The following KANK1 variants were observed in gnomAD, a reference collection of about 807,000 sequenced individuals.
The protein encoded by KANK1 is KN motif and ankyrin repeat domains 1, also known as KN motif and ankyrin repeat domain-containing protein 1.
A neutral mutation model predicts 106.2 loss-of-function variants in KANK1; 109 were observed. That is an observed-to-expected ratio of 1.03 (90% CI 0.88 to 1.20). KANK1 has a LOEUF of 1.20. Ranked by LOEUF, KANK1 falls within the 50% of genes most tolerant of loss-of-function variation. The pLI is 0.00. For synonymous variants in KANK1, 873 were observed against 652.2 expected (o/e 1.34, Z -5.16); for missense variants, 2,399 against 1,710.7 (o/e 1.40, Z -7.10).
rs115377126 is a variant in KANK1, at chr9:643,429, T to G, written c.-83-33461T>G. Among the ~76,000 whole-genome samples, 848 of 150,960 alleles carry G rather than the reference T, an allele frequency of 5.6e-3. 68 individuals carry two copies. Among genetic ancestry groups the G allele is most frequent in the African/African-American group, 0.02 (800 of 40,308 alleles). On this transcript the variant is annotated intron_variant, in intron 1 of 11. Transcript: ENST00000382297. ...TTTTGCAGTACTTTTTGTTGTTGTT[T>G]AATACCTACCCAAAATTTTGGTCCA... is the stretch of plus-strand genomic sequence containing the variant.
At chr9:677,043 G>A (rs768177182) in intron 2 of KANK1, 34 bp downstream of exon 2, 20 of 1,595,496 alleles carry the variant, frequency 1.3e-5, no homozygotes, top group Non-Finnish European at 1.5e-5. Context: ...TGTGTTAAAT[G>A]TATGTCTTTT....
intron 1 of KANK1, among the ~76,000 whole-genome samples, chr9:584,982 C>A (rs1325297177): frequency 6.6e-6 from 1 of 152,126 alleles, no homozygotes; most frequent in Non-Finnish European, 1.5e-5. Context: ...TGAAAACTGC[C>A]CTTAGGGGTC....
chr9:728,785 A>T (rs1831431244), intron 3 of KANK1, among the ~76,000 whole-genome samples: 1 of 152,176 alleles, frequency 6.6e-6, no homozygotes, highest in African/African-American at 2.4e-5. Context: ...CTTTCTGTTG[A>T]TTGCAGGCCT....
intron 1 of KANK1, among the ~76,000 whole-genome samples, chr9:646,166 A>G (rs1367686910): frequency 6.6e-6 from 1 of 150,698 alleles, no homozygotes; most frequent in African/African-American, 2.5e-5. Flanking sequence ...TTATCACCAG[A>G]CACCACAAGG....
chr9:649,382 T>G (rs1357317000), intron 1 of KANK1, among the ~76,000 whole-genome samples: 1 of 152,166 alleles, frequency 6.6e-6, no homozygotes, highest in Non-Finnish European at 1.5e-5. Flanking sequence ...CTGGTCACCC[T>G]GGCTCAAAGC....
intron 1 of KANK1, among the ~76,000 whole-genome samples, chr9:595,724 G>C (rs867316917): frequency 1.3e-4 from 20 of 151,750 alleles, no homozygotes; most frequent in African/African-American, 4.6e-4. Context: ...GTCTTGCTTT[G>C]TTGCCCAGGT....
chr9:559,363 G>A (rs1029265247), intron 1 of KANK1, among the ~76,000 whole-genome samples: 1 of 151,276 alleles, frequency 6.6e-6, no homozygotes, highest in Non-Finnish European at 1.5e-5. Context: ...TCCAAGCTTA[G>A]AAAACTTGAA....
chr9:670,905 G>C (rs1343259655), intron 1 of KANK1, among the ~76,000 whole-genome samples: 2 of 150,826 alleles, frequency 1.3e-5, no homozygotes, highest in Admixed American at 6.6e-5. Flanking sequence ...TTGGGGGAAG[G>C]GTGTCACAGA....
chr9:528,038 C>T (rs937497386), intron 1 of KANK1, among the ~76,000 whole-genome samples: 3 of 150,662 alleles, frequency 2.0e-5, no homozygotes, highest in East Asian at 2.0e-4. Context: ...GAGGCTGAGG[C>T]GGGAGAATGG....
At chr9:472,605 T>A (rs1013552909) in intron 2 of KANK1, among the ~76,000 whole-genome samples, 1 of 152,214 alleles carries the variant, frequency 6.6e-6, no homozygotes, top group African/African-American at 2.4e-5. Context: ...GTTCTAGCCT[T>A]GGTCTTAAGC....
chr9:580,810 G>A (rs145423353), intron 1 of KANK1, among the ~76,000 whole-genome samples: 76 of 152,348 alleles, frequency 5.0e-4, no homozygotes, highest in African/African-American at 1.5e-3. Context: ...ATTGGGCGCC[G>A]CGGAGCAGGG....
At chr9:499,679 C>T (rs559120560) in intron 3 of KANK1, among the ~76,000 whole-genome samples, 12 of 152,250 alleles carry the variant, frequency 7.9e-5, no homozygotes, top group African/African-American at 2.2e-4. Flanking sequence ...CTGAGGAGCA[C>T]GAAGGGGAAA....
intron 1 of KANK1, among the ~76,000 whole-genome samples, chr9:648,943 A>G (rs12351209): frequency 0.28 from 42,155 of 152,000 alleles, 8,834 homozygotes; most frequent in East Asian, 0.55. Flanking sequence ...TCCTGGGAGA[A>G]TGTTTGTATT....
chr9:660,794 C>G (rs1025220304), intron 1 of KANK1, among the ~76,000 whole-genome samples: 1 of 152,150 alleles, frequency 6.6e-6, no homozygotes, highest in Non-Finnish European at 1.5e-5. Context: ...AGAAAGATCC[C>G]CTGGTGTCTA....
At chr9:609,676 A>G (rs1278201801) in intron 1 of KANK1, among the ~76,000 whole-genome samples, 5 of 152,160 alleles carry the variant, frequency 3.3e-5, no homozygotes, top group African/African-American at 1.2e-4. Context: ...CTCAATAGAC[A>G]TTGATCCTGC....
chr9:701,956 C>T (rs1477279618), intron 2 of KANK1, among the ~76,000 whole-genome samples: 3 of 152,186 alleles, frequency 2.0e-5, no homozygotes, highest in Non-Finnish European at 4.4e-5. Context: ...GCAAATTTCT[C>T]ACTGTTCTTG....
Position 744,837 on chromosome 9 carries a change from G to A in KANK1, c.3996+248G>A, listed in dbSNP as rs895327376. The stretch of plus-strand genomic sequence containing the variant: ...GCTCACAGCTTCCCATAGAGGTTTT[G>A]ATTCTGTGCAGAATTATCCAGATAG... On this transcript the variant is annotated intron_variant, in intron 11 of 11. Transcript: ENST00000382297. 2.0e-5 allele frequency: 29 copies of A among 1,422,058 alleles called. No homozygotes were observed. The African/African-American group carries it at 3.9e-4, about 19-fold the overall frequency. The allele number at this position is 1,422,058 out of a possible 1,614,324, so 88.1% of individuals were successfully genotyped here.
intron 1 of KANK1, among the ~76,000 whole-genome samples, chr9:621,427 A>G (rs1181659415): frequency 1.3e-5 from 2 of 152,150 alleles, no homozygotes. Context: ...TTCTCATGTC[A>G]TCATTACCAA....
rs12345967 is a variant in KANK1 at position 724,043 on chromosome 9, G to T, written c.2699-6008G>T. Among the ~76,000 whole-genome samples, 1,274 of 151,688 alleles carry T rather than the reference G, an allele frequency of 8.4e-3. 16 individuals are homozygous for T. Among genetic ancestry groups the T allele is most frequent in the African/African-American group, 0.029 (1,208 of 41,360 alleles). On this transcript the variant is annotated intron_variant, in intron 3 of 11. Coordinates refer to ENST00000382297, the MANE Select transcript of KANK1 (RefSeq NM_015158.5). Reference sequence around the variant, plus strand: ...GATTAAGCCTGGGAGACAGGTTGCGGTGAGCAGAGATCACGCCACTGCACT... The same window carrying T: ...GATTAAGCCTGGGAGACAGGTTGCGTTGAGCAGAGATCACGCCACTGCACT...
Sources: gnomAD v4.1 joint callset for allele counts (sites outside exome capture counted in the v4.1 genomes callset) on GRCh38, gnomAD v4.1.1 for gene constraint, MANE v1.5 for transcripts, NCBI Gene and HGNC (gene_info 2026-07-23, HGNC 2026-07-21) for gene names.